Variants in CEP128 observed in about 807,000 individuals in gnomAD.
The protein encoded by CEP128 is centrosomal protein 128.
In CEP128, 132 loss-of-function variants were observed where a neutral mutation model predicts 156.7. The ratio of observed to expected loss-of-function variants is 0.84; its 90% confidence interval spans 0.73 to 0.97. CEP128 has a LOEUF of 0.97. Among genes scored for constraint, CEP128 ranks in the 50% least tolerant of loss-of-function variants. The probability of loss-of-function intolerance (pLI) is 0.00; values close to 1 mark genes in which losing one functional copy is unlikely to be tolerated. For missense variants in CEP128, 1,252 were observed against 1,281.9 expected (o/e 0.98, Z 0.36); for synonymous variants, 469 against 448.9 (o/e 1.04, Z -0.57).
In CEP128 at chr14:80,822,719, G is replaced by A. The variant is rs1301153824; in HGVS notation, c.1209+8424C>T. On this transcript the variant is annotated intron_variant, in intron 13 of 24. Coordinates refer to ENST00000555265, the MANE Select transcript of CEP128 (RefSeq NM_152446.5). ...GGGAAAAGCTGATGCTGGCAAGGAGGGGAATAGCCCTGTAGAAAATGGAGA... is the reference window on the plus strand; with the variant it reads ...GGGAAAAGCTGATGCTGGCAAGGAGAGGAATAGCCCTGTAGAAAATGGAGA... The A allele has an allele frequency of 4.7e-6, 4 of 856,970 alleles. No homozygotes were observed. In the South Asian group the frequency reaches 5.2e-5, roughly 11 times the overall value. 53.1% of individuals were successfully genotyped at this position (856,970 alleles called of 1,614,324 possible).
chr14:80,706,513 TCTC>T (rs968043995), intron 19 of CEP128, among the ~76,000 whole-genome samples: 3 of 152,170 alleles, frequency 2.0e-5, no homozygotes, highest in African/African-American at 7.2e-5. Flanking sequence ...AGATGAGAAA[TCTC>T]CTGTCATTCA....
At chr14:80,636,703 C>A (rs1488365728) in intron 19 of CEP128, among the ~76,000 whole-genome samples, 3 of 152,166 alleles carry the variant, frequency 2.0e-5, no homozygotes, top group Non-Finnish European at 4.4e-5. Context: ...ATATTATATT[C>A]TTCCTGGGAC....
chr14:80,781,090 G>A (rs1000115967), intron 15 of CEP128, among the ~76,000 whole-genome samples: 3 of 152,132 alleles, frequency 2.0e-5, no homozygotes, highest in African/African-American at 7.2e-5. Flanking sequence ...CTAGGAGGCC[G>A]ATTCAGATAG....
chr14:80,494,426 A>C (rs1449263069), downstream of CEP128, among the ~76,000 whole-genome samples: 1 of 152,202 alleles, frequency 6.6e-6, no homozygotes, highest in Non-Finnish European at 1.5e-5. Context: ...TAGGATGTGT[A>C]GTTGCATTTA....
intron 19 of CEP128, among the ~76,000 whole-genome samples, chr14:80,642,015 G>A (rs190778242): frequency 4.8e-5 from 7 of 146,644 alleles, no homozygotes; most frequent in South Asian, 2.1e-4. Flanking sequence ...ATGTGAACCC[G>A]GGAGGCGGAG....
At chr14:80,771,869 AC>A (rs1900527464) in intron 16 of CEP128, among the ~76,000 whole-genome samples, 1 of 152,248 alleles carries the variant, frequency 6.6e-6, no homozygotes, top group African/African-American at 2.4e-5. Context: ...AGGACTGGTA[AC>A]CCTGAGTCCT....
intron 20 of CEP128, among the ~76,000 whole-genome samples, chr14:80,567,204 T>C (rs1890950624): frequency 6.6e-6 from 1 of 152,196 alleles, no homozygotes; most frequent in Non-Finnish European, 1.5e-5. Context: ...GTGGGTGTTT[T>C]AGTTTGTGGT....
At chr14:80,712,162 G>C (rs1429095925) in intron 19 of CEP128, among the ~76,000 whole-genome samples, 1 of 152,110 alleles carries the variant, frequency 6.6e-6, no homozygotes, top group African/African-American at 2.4e-5. Context: ...GTTCGGATCT[G>C]CCTGTAACAC....
At chr14:80,957,473 A>C (rs1383766108) in intron 2 of CEP128, among the ~76,000 whole-genome samples, 1 of 152,194 alleles carries the variant, frequency 6.6e-6, no homozygotes, top group Non-Finnish European at 1.5e-5. Context: ...AAACAAAAAA[A>C]AAAAAACTTA....
intron 19 of CEP128, among the ~76,000 whole-genome samples, chr14:80,660,848 C>T (rs565996493): frequency 1.8e-4 from 27 of 152,304 alleles, no homozygotes; most frequent in Admixed American, 8.5e-4. Context: ...TCTTCCTACA[C>T]ATACACCCTG....
chr14:80,595,472 T>TA (rs920956927), intron 19 of CEP128, among the ~76,000 whole-genome samples: 2 of 152,030 alleles, frequency 1.3e-5, no homozygotes, highest in Non-Finnish European at 2.9e-5. Flanking sequence ...AAAGTACAAT[T>TA]AAAAAAATTA....
chr14:80,935,065 C>T (rs1885704797), intron 2 of CEP128, among the ~76,000 whole-genome samples: 1 of 152,140 alleles, frequency 6.6e-6, no homozygotes, highest in African/African-American at 2.4e-5. Context: ...AGCAAAGTAA[C>T]TTAAGTGGCA....
In CEP128 at chr14:80,530,846, T is replaced by A. The variant is rs765971594; in HGVS notation, c.2921A>T (p.Glu974Val). The A allele has an allele frequency of 1.2e-6, 2 of 1,609,256 alleles. No homozygotes were observed. Among genetic ancestry groups the A allele is most frequent in the Non-Finnish European group, 1.7e-6 (2 of 1,177,446 alleles). The change falls in exon 22 of 25, where the codon GAG becomes GTG. Residue 974 changes from glutamate to valine, a missense_variant. Physicochemically the swap from Glu to Val is moderately radical, Grantham distance 121. Coordinates refer to ENST00000555265, the MANE Select transcript of CEP128 (RefSeq NM_152446.5). ...VALDHLESVP[E>V]KLSLLEDFKD... ...GAAATCTTCTAGTAGGCTCAGTTTC[T>A]CAGGCACAGACTCCAGATGGTCCAA...
At chr14:80,698,609 T>C (rs889199002) in intron 19 of CEP128, among the ~76,000 whole-genome samples, 4 of 152,158 alleles carry the variant, frequency 2.6e-5, no homozygotes, top group Non-Finnish European at 5.9e-5. Context: ...AATCACTGAC[T>C]TCTTCATTCA....
Position 80,711,510 on chromosome 14 carries a change from A to T in CEP128, c.2806+31565T>A, listed in dbSNP as rs533361094. Among the ~76,000 whole-genome samples the T allele has an allele frequency of 1.1e-3, 169 of 152,260 alleles. 1 individual carries two copies. The highest frequency in any genetic ancestry group is 3.9e-3 in the African/African-American group (161 of 41,558). On this transcript the variant is annotated intron_variant, in intron 19 of 24. Transcript: ENST00000555265. ...CTTATTACTTGCAGTAGTAAATAGC[A>T]GTGAGAACTCATGTAGATAGAGAGC...
chr14:80,704,930 G>T (rs1369285812), intron 19 of CEP128, among the ~76,000 whole-genome samples: 1 of 151,922 alleles, frequency 6.6e-6, no homozygotes, highest in Non-Finnish European at 1.5e-5. Flanking sequence ...CATCATCAAT[G>T]CATGACCAAT....
In CEP128 at chr14:80,820,025, G is replaced by C. The variant is rs187619263; in HGVS notation, c.1209+11118C>G. Among the ~76,000 whole-genome samples the C allele has an allele frequency of 1.8e-4, 27 of 152,244 alleles. 1 individual carries two copies. Among genetic ancestry groups the C allele is most frequent in the South Asian group, 1.2e-3 (6 of 4,822 alleles). ...ATATTTGAGTAATAATTTTAAAAAT[G>C]TGTCTACTATTCTCTTAAACTCTAC... On this transcript the variant is annotated intron_variant, in intron 13 of 24. Coordinates refer to ENST00000555265, the MANE Select transcript of CEP128 (RefSeq NM_152446.5).
chr14:80,884,633 C>T (rs2139335697), intron 8 of CEP128, among the ~76,000 whole-genome samples: 1 of 152,278 alleles, frequency 6.6e-6, no homozygotes, highest in Admixed American at 6.5e-5. Flanking sequence ...GGCCCAGACA[C>T]TATGCTTTTC....
At chr14:80,794,271 A>C (rs1300342381) in intron 13 of CEP128, among the ~76,000 whole-genome samples, 1 of 152,232 alleles carries the variant, frequency 6.6e-6, no homozygotes, top group African/African-American at 2.4e-5. Context: ...GGCTCAAATA[A>C]GGTTAAATAT....
Sources: gnomAD v4.1 joint callset for allele counts (sites outside exome capture counted in the v4.1 genomes callset) on GRCh38, gnomAD v4.1.1 for gene constraint, MANE v1.5 for transcripts, NCBI Gene and HGNC (gene_info 2026-07-23, HGNC 2026-07-21) for gene names.